The following KHDRBS2 variants were observed in gnomAD, a reference collection of about 807,000 sequenced individuals.
KHDRBS2 encodes KH RNA binding domain containing, signal transduction associated 2.
In KHDRBS2, 26 loss-of-function variants were observed where a neutral mutation model predicts 44.3. The observed-to-expected ratio is 0.59, with a 90% CI of 0.43 to 0.81. KHDRBS2 has a LOEUF of 0.81. KHDRBS2 is among the 40% of genes least tolerant of loss of function. The pLI is 0.00. For missense variants in KHDRBS2, 476 were observed against 433.1 expected, an observed-to-expected ratio of 1.10 and a Z score of -0.88; for synonymous variants, 194 against 151.1, an observed-to-expected ratio of 1.28 and a Z score of -2.08.
intron 2 of KHDRBS2, among the ~76,000 whole-genome samples, chr6:62,100,130 T>C (rs1186199035): frequency 6.6e-6 from 1 of 152,180 alleles, no homozygotes; most frequent in Admixed American, 6.5e-5. Context: ...CTAACCATCA[T>C]GGATGGCCTT....
At chr6:61,542,789 T>C in the KHDRBS2 span, among the ~76,000 whole-genome samples, 1 of 151,934 alleles carries the variant, frequency 6.6e-6, no homozygotes, top group Non-Finnish European at 1.5e-5. Flanking sequence ...GATATATATA[T>C]TCACCACAAA....
intron 6 of KHDRBS2, among the ~76,000 whole-genome samples, chr6:61,777,625 A>T (rs1249796771): frequency 6.6e-6 from 1 of 152,154 alleles, no homozygotes; most frequent in Non-Finnish European, 1.5e-5. Flanking sequence ...GAGTTCCATG[A>T]TTAGAGAGGA....
chr6:61,996,922 A>G (rs949612839), intron 3 of KHDRBS2, among the ~76,000 whole-genome samples: 2 of 151,288 alleles, frequency 1.3e-5, no homozygotes, highest in Non-Finnish European at 2.9e-5. Flanking sequence ...AGCTGTGATT[A>G]CAAGTGCCTG....
At chr6:62,120,364 G>C (rs890494731) in intron 2 of KHDRBS2, among the ~76,000 whole-genome samples, 3 of 152,190 alleles carry the variant, frequency 2.0e-5, no homozygotes, top group African/African-American at 7.2e-5. Context: ...TCGTGAAATA[G>C]ATTTGTGAAG....
At chr6:62,138,195 T>C (rs755359461) in intron 2 of KHDRBS2, among the ~76,000 whole-genome samples, 7 of 152,188 alleles carry the variant, frequency 4.6e-5, no homozygotes, top group African/African-American at 7.2e-5. Flanking sequence ...AAATACGGTA[T>C]ACATAAAGGT....
chr6:62,248,539 A>C (rs1234600550), intron 1 of KHDRBS2, among the ~76,000 whole-genome samples: 1 of 151,888 alleles, frequency 6.6e-6, no homozygotes, highest in East Asian at 1.9e-4. Context: ...TTAAATTTTT[A>C]GTAGAGACGG....
chr6:61,901,492 G>C, intron 4 of KHDRBS2, 121 bp from the exon 5 acceptor site: 1 of 721,950 alleles, frequency 1.4e-6, no homozygotes, highest in Non-Finnish European at 2.2e-6. Context: ...TTGTTTCCTG[G>C]AACTTTATAT....
intron 2 of KHDRBS2, among the ~76,000 whole-genome samples, chr6:62,115,365 G>A (rs1805973646): frequency 1.3e-5 from 2 of 152,110 alleles, no homozygotes; most frequent in South Asian, 4.1e-4. Flanking sequence ...ATAGGCTGCT[G>A]GATGTGTGTG....
At chr6:62,223,491 C>T (rs1442314095) in intron 1 of KHDRBS2, among the ~76,000 whole-genome samples, 2 of 152,206 alleles carry the variant, frequency 1.3e-5, no homozygotes, top group Non-Finnish European at 2.9e-5. Flanking sequence ...TGGGGATTAA[C>T]ATTTGGCTCC....
chr6:61,964,050 C>T (rs559835521), intron 4 of KHDRBS2, among the ~76,000 whole-genome samples: 2 of 152,114 alleles, frequency 1.3e-5, no homozygotes, highest in South Asian at 4.1e-4. Context: ...CATCTAAAGA[C>T]ATGTACTTCT....
the KHDRBS2 span, among the ~76,000 whole-genome samples, chr6:61,644,319 A>G: frequency 5.4e-4 from 82 of 152,328 alleles, no homozygotes; most frequent in Non-Finnish European, 2.4e-4. Context: ...AATGGATTAA[A>G]GACTTAAATG....
intron 1 of KHDRBS2, among the ~76,000 whole-genome samples, chr6:62,244,441 A>C (rs1481919805): frequency 6.6e-6 from 1 of 152,154 alleles, no homozygotes; most frequent in East Asian, 1.9e-4. Flanking sequence ...CAAAGAGAAT[A>C]GAGAGAAGTG....
chr6:62,023,079 G>A (rs1023680640), intron 3 of KHDRBS2, among the ~76,000 whole-genome samples: 6 of 151,554 alleles, frequency 4.0e-5, no homozygotes, highest in Non-Finnish European at 7.4e-5. Flanking sequence ...AAGAAAAAAC[G>A]CAATACCTTA....
the KHDRBS2 span, among the ~76,000 whole-genome samples, chr6:61,555,980 G>T: frequency 1.3e-5 from 2 of 152,330 alleles, no homozygotes; most frequent in East Asian, 3.9e-4. Context: ...AGTGGCAGTG[G>T]GGTTCATGCT....
chr6:61,579,837 C>A, the KHDRBS2 span, among the ~76,000 whole-genome samples: 1 of 144,854 alleles, frequency 6.9e-6, no homozygotes, highest in Admixed American at 7.0e-5. Context: ...GTGGGTGGAT[C>A]GCCTGAGGTT....
At chr6:61,938,890 C>A (rs1050705550) in intron 4 of KHDRBS2, among the ~76,000 whole-genome samples, 6 of 152,046 alleles carry the variant, frequency 3.9e-5, no homozygotes, top group African/African-American at 1.4e-4. Context: ...ACCAAGTGTC[C>A]TCCTCAAGGG....
chr6:61,807,292 C>A (rs757680136), intron 6 of KHDRBS2, among the ~76,000 whole-genome samples: 1 of 152,050 alleles, frequency 6.6e-6, no homozygotes, highest in Non-Finnish European at 1.5e-5. Context: ...TAAAGAATTA[C>A]CATTTGGCCC....
At chr6:62,095,779 C>G (rs1457345574) in intron 2 of KHDRBS2, among the ~76,000 whole-genome samples, 3 of 151,882 alleles carry the variant, frequency 2.0e-5, no homozygotes, top group Non-Finnish European at 4.4e-5. Flanking sequence ...TACAAGTGGA[C>G]ATTCTTGTCT....
At chr6:62,010,311 C>G (rs1780056060) in intron 3 of KHDRBS2, among the ~76,000 whole-genome samples, 1 of 152,026 alleles carries the variant, frequency 6.6e-6, no homozygotes, top group South Asian at 2.1e-4. Context: ...GGAATGCCTG[C>G]TCCCCCATTG....
Sources: allele counts gnomAD v4.1 joint callset (sites outside exome capture counted in the v4.1 genomes callset), GRCh38; gene constraint gnomAD v4.1.1; transcripts MANE v1.5; gene names NCBI Gene and HGNC (gene_info 2026-07-23, HGNC 2026-07-21).